The following LPP variants were observed in gnomAD, a reference collection of about 807,000 sequenced individuals.
LPP encodes the protein lipoma-preferred partner.
In LPP, 38 loss-of-function variants were observed where a neutral mutation model predicts 60.4. The ratio of observed to expected loss-of-function variants is 0.63; its 90% CI spans 0.49 to 0.83. The LOEUF is 0.83. LPP is among the 40% of genes least tolerant of loss of function. The pLI is 0.00. For synonymous variants in LPP, 328 were observed against 290.8 expected (o/e 1.13, Z -1.30); for missense variants, 902 against 783.6 (o/e 1.15, Z -1.80).
At chr3:188,187,265 A>G (rs1328859782) in intron 1 of LPP, among the ~76,000 whole-genome samples, 6 of 152,172 alleles carry the variant, frequency 3.9e-5, no homozygotes, top group Non-Finnish European at 7.3e-5. Flanking sequence ...AATATTGCTT[A>G]ATACAGGGCT....
At position 188,558,816 on chromosome 3, in the gene LPP, A is replaced by C. The variant is rs1830050635; in HGVS notation, c.429+34029A>C. ...TGGTCAAAAGATGAATCTAAAGGGC[A>C]ATGATGTTACAACTTATTATTAACT... On this transcript the variant is annotated intron_variant, in intron 6 of 11. Transcript: ENST00000617246. Among the ~76,000 whole-genome samples, 4 of 152,212 alleles carry C rather than the reference A, an allele frequency of 2.6e-5. No individual in the cohort carries two copies. The South Asian group carries it at 8.3e-4, about 32-fold the overall frequency.
intron 4 of LPP, among the ~76,000 whole-genome samples, chr3:188,443,378 G>A (rs927878505): frequency 2.0e-5 from 3 of 152,214 alleles, no homozygotes; most frequent in Non-Finnish European, 2.9e-5. Context: ...TTTGAGGCCT[G>A]CCTTCATCAC....
chr3:188,874,550 G>T lies in LPP; in HGVS notation c.*71G>T. The T allele has an allele frequency of 6.5e-7, 1 of 1,546,132 alleles. No individual in the cohort carries two copies. Among genetic ancestry groups the T allele is most frequent in the South Asian group, 1.2e-5 (1 of 85,648 alleles). ...AAAAGATAAGAAATACTAGAGTAAA[G>T]GCCATCAAACTACGCGATAGTCTCT... is the stretch of plus-strand genomic sequence containing the variant. On this transcript the variant is annotated 3_prime_UTR_variant, in exon 12 of 12. Transcript: ENST00000617246.
intron 2 of LPP, among the ~76,000 whole-genome samples, chr3:188,276,688 TC>T (rs1739884718): frequency 6.7e-5 from 1 of 14,922 alleles, no homozygotes; most frequent in African/African-American, 1.3e-3. Flanking sequence ...TCTCTCTCTC[TC>T]TCTCTTTCTC....
intron 9 of LPP, among the ~76,000 whole-genome samples, chr3:188,774,044 G>A (rs916180150): frequency 6.6e-6 from 1 of 152,186 alleles, no homozygotes; most frequent in African/African-American, 2.4e-5. Context: ...TAGAAAACCA[G>A]GGGGTTTGGA....
rs185335121 is a variant in LPP, at chr3:188,856,477, G to A, written c.1411-9723G>A. Among the ~76,000 whole-genome samples the A allele has an allele frequency of 7.2e-5, 11 of 152,234 alleles. No homozygotes were observed. In the East Asian group the frequency reaches 1.5e-3, roughly 21 times the overall value. On this transcript the variant is annotated intron_variant, in intron 9 of 11. Coordinates refer to ENST00000617246, the MANE Select transcript of LPP (RefSeq NM_001375462.1). ...GGCTGTTGAACCAAGATGTAGGGTC[G>A]ATCCTTCTGTGTAACAGTAATTCTC...
chr3:188,621,585 C>A (rs1295164324), intron 7 of LPP, among the ~76,000 whole-genome samples: 1 of 152,106 alleles, frequency 6.6e-6, no homozygotes, highest in Admixed American at 6.6e-5. Flanking sequence ...CAGCTATGTT[C>A]TTCATCTTTC....
At chr3:188,167,966 T>A (rs1461708897) in intron 1 of LPP, among the ~76,000 whole-genome samples, 1 of 152,234 alleles carries the variant, frequency 6.6e-6, no homozygotes, top group Non-Finnish European at 1.5e-5. Flanking sequence ...ACTAAAAAAA[T>A]TTCCCAAGTA....
intron 1 of LPP, among the ~76,000 whole-genome samples, chr3:188,216,363 TG>T (rs1463828766): frequency 6.6e-6 from 1 of 150,998 alleles, no homozygotes; most frequent in Non-Finnish European, 1.5e-5. Context: ...CTCTGCTTCA[TG>T]GGTTCAAGCC....
intron 7 of LPP, among the ~76,000 whole-genome samples, chr3:188,678,490 T>C (rs1858640268): frequency 6.6e-6 from 1 of 152,226 alleles, no homozygotes. Context: ...TCTGCCTTAC[T>C]CTAGTGAGCA....
chr3:188,847,377 A>T (rs984653106), intron 9 of LPP, among the ~76,000 whole-genome samples: 1 of 152,224 alleles, frequency 6.6e-6, no homozygotes, highest in African/African-American at 2.4e-5. Flanking sequence ...TGTGTCATGG[A>T]TGAAAGAGAT....
At chr3:188,582,838 C>A (rs909512651) in intron 6 of LPP, among the ~76,000 whole-genome samples, 3 of 152,194 alleles carry the variant, frequency 2.0e-5, no homozygotes, top group African/African-American at 7.2e-5. Context: ...TAAGCCCTCT[C>A]TTTCCCTTAT....
chr3:188,200,874 ATAAG>A (rs1730896893), intron 1 of LPP, among the ~76,000 whole-genome samples: 1 of 152,244 alleles, frequency 6.6e-6, no homozygotes, highest in Non-Finnish European at 1.5e-5. Flanking sequence ...CTTAATGTTT[ATAAG>A]TAATTATAAC....
In LPP at chr3:188,879,703, T is replaced by C. The variant is rs150037992; in HGVS notation, c.*5224T>C. On this transcript the variant is annotated 3_prime_UTR_variant, in exon 12 of 12. Coordinates refer to ENST00000617246, the MANE Select transcript of LPP (RefSeq NM_001375462.1). Reference sequence around the variant, plus strand: ...AATGATGGCATTTTATTTTATTCCATTGCAGCTTGATAACTTTCCTTATAG... The same window carrying C: ...AATGATGGCATTTTATTTTATTCCACTGCAGCTTGATAACTTTCCTTATAG... 1.7e-3 allele frequency: 311 copies of C among 181,622 alleles called. 1 individual carries two copies. Among genetic ancestry groups the C allele is most frequent in the African/African-American group, 6.8e-3 (291 of 42,598 alleles). 11.3% of individuals were successfully genotyped at this position (181,622 alleles called of 1,614,324 possible).
At chr3:188,479,062 T>C (rs1804019009) in intron 4 of LPP, among the ~76,000 whole-genome samples, 1 of 152,118 alleles carries the variant, frequency 6.6e-6, no homozygotes, top group Admixed American at 6.5e-5. Context: ...CTAGTTACTA[T>C]TAATGGAAAT....
chr3:188,338,287 T>C (rs751757220), intron 2 of LPP, among the ~76,000 whole-genome samples: 2 of 152,236 alleles, frequency 1.3e-5, no homozygotes, highest in Non-Finnish European at 2.9e-5. Flanking sequence ...GAGTGCACTT[T>C]AAATTGTATG....
At chr3:188,777,049 T>C (rs1738027157) in intron 9 of LPP, among the ~76,000 whole-genome samples, 1 of 152,224 alleles carries the variant, frequency 6.6e-6, no homozygotes, top group South Asian at 2.1e-4. Flanking sequence ...CCAGTTATGT[T>C]AATTATACAT....
At chr3:188,860,137 G>A (rs1283815819) in intron 9 of LPP, among the ~76,000 whole-genome samples, 1 of 151,254 alleles carries the variant, frequency 6.6e-6, no homozygotes, top group African/African-American at 2.4e-5. Flanking sequence ...TCTAGTATAG[G>A]GTCATTAGAA....
rs146079072 is a variant in LPP, at chr3:188,443,267, A to G, written c.193+36954A>G. ...ACAAAAATGACAATTCCTGCTTGCC[A>G]TTGAAAATAATGCAATTGAAAAGAA... is the stretch of plus-strand genomic sequence containing the variant. On this transcript the variant is annotated intron_variant, in intron 4 of 11. Coordinates refer to ENST00000617246, the MANE Select transcript of LPP (RefSeq NM_001375462.1). Among the ~76,000 whole-genome samples, 186 of 152,348 alleles carry G rather than the reference A, an allele frequency of 1.2e-3. 1 individual carries two copies. Among genetic ancestry groups the G allele is most frequent in the African/African-American group, 4.3e-3 (180 of 41,584 alleles).
Sources: gnomAD v4.1 joint callset for allele counts (sites outside exome capture counted in the v4.1 genomes callset) on GRCh38, gnomAD v4.1.1 for gene constraint, MANE v1.5 for transcripts, NCBI Gene and HGNC (gene_info 2026-07-23, HGNC 2026-07-21) for gene names.